FAF1: variants seen among roughly 807,000 people sequenced by gnomAD.
FAF1 encodes FAS-associated factor 1.
In FAF1, 25 loss-of-function variants were observed where a neutral mutation model predicts 92.5. That is an observed-to-expected ratio of 0.27 (90% CI 0.20 to 0.38). The LOEUF is 0.38. Ranked by LOEUF, FAF1 falls within the 10% of genes least tolerant of loss-of-function variation. The pLI is 1.00. For synonymous variants in FAF1, 234 were observed against 273.2 expected, an observed-to-expected ratio of 0.86 and a Z score of 1.42; for missense variants, 636 against 793.3, an observed-to-expected ratio of 0.80 and a Z score of 2.38.
At chr1:50,909,898 T>G (rs146967630) in intron 1 of FAF1, among the ~76,000 whole-genome samples, 1,980 of 152,354 alleles carry the variant, frequency 0.013, 43 homozygotes, top group African/African-American at 0.044. Context: ...AAAGTCATTC[T>G]CCATCCAGCT....
chr1:50,712,085 T>TA (rs1368316608), intron 6 of FAF1, among the ~76,000 whole-genome samples: 17 of 152,326 alleles, frequency 1.1e-4, no homozygotes, highest in African/African-American at 3.6e-4. Context: ...ATAACACTCT[T>TA]ATGATTGGAC....
chr1:50,698,093 C>G (rs1470750174), intron 7 of FAF1, among the ~76,000 whole-genome samples: 1 of 152,032 alleles, frequency 6.6e-6, no homozygotes, highest in Non-Finnish European at 1.5e-5. Context: ...CTTGGTCCAG[C>G]TTATATTTAT....
chr1:50,950,995 C>T (rs543671365), intron 1 of FAF1, among the ~76,000 whole-genome samples: 146 of 152,316 alleles, frequency 9.6e-4, no homozygotes, highest in African/African-American at 3.3e-3. Flanking sequence ...CTTTGGGAGG[C>T]CGAGGCGGGC....
intron 9 of FAF1, among the ~76,000 whole-genome samples, chr1:50,585,977 C>T (rs1164405359): frequency 1.3e-5 from 2 of 151,788 alleles, no homozygotes; most frequent in Non-Finnish European, 2.9e-5. Flanking sequence ...CACTTGAGCC[C>T]ACGAGGTCAA....
chr1:50,844,433 C>T (rs1644281412), intron 2 of FAF1, among the ~76,000 whole-genome samples: 3 of 152,012 alleles, frequency 2.0e-5, no homozygotes, highest in Admixed American at 2.0e-4. Flanking sequence ...TAAACCTGTA[C>T]ATAATTCCAT....
Position 50,929,897 on chromosome 1 carries a change from G to A in FAF1, c.45+29870C>T, listed in dbSNP as rs562533096. On this transcript the variant is annotated intron_variant, in intron 1 of 18. Transcript: ENST00000396153. ...CCAGAAGCTACAAATATAATGTAAC[G>A]CTATACAAATTGTCAGTAATTTACA... Among the ~76,000 whole-genome samples the A allele has an allele frequency of 6.6e-5, 10 of 152,206 alleles. No homozygotes were observed. The South Asian group carries it at 1.7e-3, about 25-fold the overall frequency.
At chr1:50,643,979 T>C (rs981286413) in intron 8 of FAF1, among the ~76,000 whole-genome samples, 17 of 152,234 alleles carry the variant, frequency 1.1e-4, no homozygotes, top group African/African-American at 3.9e-4. Flanking sequence ...AGCACTTTCA[T>C]AGCATTTATA....
chr1:50,451,760 G>T, intron 18 of FAF1: 1 of 780,494 alleles, frequency 1.3e-6, no homozygotes, highest in Non-Finnish European at 1.6e-6. Flanking sequence ...AGCATATGGG[G>T]ACAGAAAAGC....
chr1:50,698,523 C>T (rs1657327683), intron 7 of FAF1, among the ~76,000 whole-genome samples: 1 of 152,058 alleles, frequency 6.6e-6, no homozygotes, highest in South Asian at 2.1e-4. Flanking sequence ...TTTTATTGTA[C>T]CTACAAGAAA....
At position 50,438,412 on chromosome 1, in the gene FAF1, C is replaced by T. The variant is rs915420703; in HGVS notation, c.*3028G>A. On this transcript the variant is annotated 3_prime_UTR_variant, in exon 19 of 19. Coordinates refer to ENST00000396153, the MANE Select transcript of FAF1 (RefSeq NM_007051.3). ...TTATATGTATGTGAAGATCTCTCTT[C>T]CTCTAAGAATTTTAAAAAGGATCAA... 2.6e-5 allele frequency: 4 copies of T among 151,994 alleles called. No homozygotes were observed. The highest frequency in any genetic ancestry group is 9.7e-5 in the African/African-American group (4 of 41,332). 9.4% of individuals were successfully genotyped at this position (151,994 alleles called of 1,614,324 possible).
At chr1:50,865,649 G>A (rs1644474953) in intron 1 of FAF1, among the ~76,000 whole-genome samples, 1 of 123,788 alleles carries the variant, frequency 8.1e-6, no homozygotes, top group Admixed American at 8.6e-5. Context: ...GAGAACACAT[G>A]GACACAGGAA....
chr1:50,608,235 T>A (rs528027351), intron 8 of FAF1, among the ~76,000 whole-genome samples: 2 of 152,346 alleles, frequency 1.3e-5, no homozygotes, highest in South Asian at 4.1e-4. Flanking sequence ...CCCATGGTAA[T>A]GGTAAACAGA....
chr1:50,702,550 C>G (rs1340566924), intron 7 of FAF1, among the ~76,000 whole-genome samples: 2 of 152,066 alleles, frequency 1.3e-5, no homozygotes, highest in African/African-American at 2.4e-5. Flanking sequence ...ACTTGCAACT[C>G]TCTCCATTCT....
chr1:50,833,811 T>C (rs1392078898), intron 2 of FAF1, among the ~76,000 whole-genome samples: 1 of 152,206 alleles, frequency 6.6e-6, no homozygotes, highest in Non-Finnish European at 1.5e-5. Context: ...CAGATATCTT[T>C]CTGTGATACC....
At chr1:50,787,407 T>A (rs748327060) in intron 4 of FAF1, among the ~76,000 whole-genome samples, 1 of 152,122 alleles carries the variant, frequency 6.6e-6, no homozygotes, top group African/African-American at 2.4e-5. Flanking sequence ...TAAAAAGAGT[T>A]TGATGAAGGG....
At chr1:50,811,759 C>T (rs1287505867) in intron 2 of FAF1, among the ~76,000 whole-genome samples, 1 of 152,064 alleles carries the variant, frequency 6.6e-6, no homozygotes, top group Admixed American at 6.6e-5. Context: ...CAAGACAATC[C>T]TAAGCAAAAA....
chr1:50,696,426 T>C (rs1657228583), intron 7 of FAF1, among the ~76,000 whole-genome samples: 1 of 152,338 alleles, frequency 6.6e-6, no homozygotes, highest in Non-Finnish European at 1.5e-5. Context: ...CATTTATTTC[T>C]TCATTAGATT....
At chr1:50,636,468 C>T (rs750071585) in intron 8 of FAF1, among the ~76,000 whole-genome samples, 1 of 133,452 alleles carries the variant, frequency 7.5e-6, no homozygotes, top group Non-Finnish European at 1.5e-5. Context: ...TCACTGCAAT[C>T]TATGCCTCCC....
chr1:50,726,389 G>A (rs1014466962), intron 6 of FAF1, among the ~76,000 whole-genome samples: 3 of 152,078 alleles, frequency 2.0e-5, no homozygotes, highest in African/African-American at 4.8e-5. Context: ...GTCACACCTT[G>A]CTGTTATATA....
Sources: allele counts gnomAD v4.1 joint callset (sites outside exome capture counted in the v4.1 genomes callset), GRCh38; gene constraint gnomAD v4.1.1; transcripts MANE v1.5; gene names NCBI Gene and HGNC (gene_info 2026-07-23, HGNC 2026-07-21).